Variants in TBC1D5 observed in about 807,000 individuals in gnomAD.
The protein encoded by TBC1D5 is TBC1 domain family, member 5.
TBC1D5 carries 75 observed loss-of-function variants against 100.3 expected under a neutral mutation model. The observed-to-expected ratio is 0.75, with a 90% CI of 0.62 to 0.91. The LOEUF (loss-of-function observed/expected upper bound fraction) is 0.91, where lower values mean the gene tolerates loss of function less well. Ranked by LOEUF, TBC1D5 falls within the 40% of genes least tolerant of loss-of-function variation. TBC1D5 has a pLI of 0.00. For missense variants in TBC1D5, 910 were observed against 942.4 expected (o/e 0.97, Z 0.45); for synonymous variants, 323 against 325.6 (o/e 0.99, Z 0.09).
chr3:17,485,986 C>T (rs1031154711), intron 3 of TBC1D5, among the ~76,000 whole-genome samples: 1 of 152,046 alleles, frequency 6.6e-6, no homozygotes, highest in Admixed American at 6.5e-5. Context: ...TATTTCTCCA[C>T]ATCCTCTCCA....
At chr3:17,474,763 G>A (rs889431263) in intron 3 of TBC1D5, among the ~76,000 whole-genome samples, 1 of 152,070 alleles carries the variant, frequency 6.6e-6, no homozygotes, top group Non-Finnish European at 1.5e-5. Flanking sequence ...AAATTAAACT[G>A]AATGTCAATG....
intron 3 of TBC1D5, among the ~76,000 whole-genome samples, chr3:17,435,093 G>A (rs186027453): frequency 1.8e-4 from 27 of 152,212 alleles, no homozygotes; most frequent in Admixed American, 3.9e-4. Context: ...TCAGCATTTT[G>A]GTCAAAGCCA....
intron 2 of TBC1D5, among the ~76,000 whole-genome samples, chr3:17,556,968 C>T (rs1486998968): frequency 3.3e-5 from 5 of 152,146 alleles, no homozygotes; most frequent in Admixed American, 6.5e-5. Context: ...GAAAAGCCAA[C>T]GCAAATTTAC....
At position 17,267,277 on chromosome 3, in the gene TBC1D5, A is replaced by G. The variant is rs550904713; in HGVS notation, c.1246-8686T>C. Among the ~76,000 whole-genome samples, 12 of 152,206 alleles carry G rather than the reference A, an allele frequency of 7.9e-5. No individual in the cohort carries two copies. The South Asian group carries it at 2.5e-3, about 32-fold the overall frequency. Reference sequence around the variant, plus strand: ...ATGGAAAGTAGGAGTTTAGGTCTACAAATTTTCTTTGTTGCTAATACTGGG... The same window carrying G: ...ATGGAAAGTAGGAGTTTAGGTCTACGAATTTTCTTTGTTGCTAATACTGGG... On this transcript the variant is annotated intron_variant, in intron 15 of 21. Coordinates refer to ENST00000253692, the Ensembl canonical transcript of TBC1D5.
intron 4 of TBC1D5, among the ~76,000 whole-genome samples, chr3:17,412,127 G>T (rs1045699163): frequency 9.9e-5 from 15 of 152,134 alleles, no homozygotes; most frequent in Admixed American, 6.6e-5. Flanking sequence ...ATAATAAAAT[G>T]ATTACTGCAA....
At position 17,569,759 on chromosome 3, in the gene TBC1D5, C is replaced by T. The variant is rs550720770; in HGVS notation, c.-36+54090G>A. ...AGAGAAAGTACTACTGATTATTAGG[C>T]AATATATATTTATATATTTGTAAAT... is the stretch of plus-strand genomic sequence containing the variant. On this transcript the variant is annotated intron_variant, in intron 2 of 21. Transcript: ENST00000253692. 3.0e-3 allele frequency among the ~76,000 whole-genome samples: 449 copies of T among 150,642 alleles called. 4 individuals carry two copies. The highest frequency in any genetic ancestry group is 9.9e-3 in the African/African-American group (410 of 41,232).
At chr3:17,190,803 A>G (rs1559379689) in intron 18 of TBC1D5, among the ~76,000 whole-genome samples, 1 of 152,186 alleles carries the variant, frequency 6.6e-6, no homozygotes, top group South Asian at 2.1e-4. Flanking sequence ...TCACAAGAGA[A>G]GCAGACAAGG....
intron 13 of TBC1D5, among the ~76,000 whole-genome samples, chr3:17,315,857 G>C (rs1015211287): frequency 2.0e-5 from 3 of 152,152 alleles, no homozygotes; most frequent in Non-Finnish European, 4.4e-5. Flanking sequence ...GGGACGGGCG[G>C]GGGGAGGCTT....
At chr3:17,221,256 C>CGGT (rs2074253097) in intron 17 of TBC1D5, among the ~76,000 whole-genome samples, 1 of 151,752 alleles carries the variant, frequency 6.6e-6, no homozygotes, top group South Asian at 2.1e-4. Flanking sequence ...CATGGTTGGC[C>CGGT]AACCTAATCC....
exon 22 of TBC1D5, chr3:17,158,132 GC>G (rs1445831344): frequency 1.3e-5 from 2 of 152,218 alleles, no homozygotes; most frequent in African/African-American, 2.4e-5. Flanking sequence ...AATTAGACTT[GC>G]TAGTCTGTAA....
chr3:17,378,991 G>A (rs961535642), intron 9 of TBC1D5, among the ~76,000 whole-genome samples: 8 of 151,226 alleles, frequency 5.3e-5, no homozygotes, highest in Non-Finnish European at 8.9e-5. Context: ...TTTTTTCCAG[G>A]CTTTCACTGT....
At chr3:17,540,286 T>A (rs2096337039) in intron 2 of TBC1D5, among the ~76,000 whole-genome samples, 1 of 152,234 alleles carries the variant, frequency 6.6e-6, no homozygotes, top group Admixed American at 6.5e-5. Flanking sequence ...GTGGTTGTCT[T>A]TTCACCCTAT....
At chr3:17,599,207 A>G (rs1414770702) in intron 2 of TBC1D5, among the ~76,000 whole-genome samples, 1 of 152,130 alleles carries the variant, frequency 6.6e-6, no homozygotes, top group Non-Finnish European at 1.5e-5. Context: ...CCTGGAAACC[A>G]CAGCCCCAAA....
At chr3:17,642,345 G>A (rs1019409605) in intron 1 of TBC1D5, among the ~76,000 whole-genome samples, 1 of 151,992 alleles carries the variant, frequency 6.6e-6, no homozygotes, top group Non-Finnish European at 1.5e-5. Flanking sequence ...ATCATGTTTA[G>A]TTGATGTGAT....
chr3:17,206,024 C>T (rs757597090), intron 18 of TBC1D5, among the ~76,000 whole-genome samples: 2 of 152,136 alleles, frequency 1.3e-5, no homozygotes, highest in Non-Finnish European at 2.9e-5. Context: ...ATTCTAACTA[C>T]TTTAGATGTG....
At chr3:17,528,368 A>T (rs1560091085) in intron 2 of TBC1D5, among the ~76,000 whole-genome samples, 1 of 152,110 alleles carries the variant, frequency 6.6e-6, no homozygotes, top group Non-Finnish European at 1.5e-5. Context: ...CCCTTTCACC[A>T]TGTGAGGATA....
At chr3:17,338,653 A>AAAG (rs1454342014) in intron 13 of TBC1D5, 1 of 152,264 alleles carries the variant, frequency 6.6e-6, no homozygotes, top group African/African-American at 2.4e-5. Context: ...CTGTGATATT[A>AAAG]AAGTGGTAAT....
At chr3:17,163,669 G>A (rs555359818) in intron 21 of TBC1D5, among the ~76,000 whole-genome samples, 13 of 152,254 alleles carry the variant, frequency 8.5e-5, no homozygotes, top group Middle Eastern at 6.8e-3. Context: ...GTAGAAGCAG[G>A]TGAGCCCAAC....
At chr3:17,521,785 A>G (rs1003529389) in intron 2 of TBC1D5, among the ~76,000 whole-genome samples, 2 of 152,218 alleles carry the variant, frequency 1.3e-5, no homozygotes, top group African/African-American at 4.8e-5. Context: ...TAATAATTAT[A>G]CATGATACAG....
Sources: allele counts gnomAD v4.1 joint callset (sites outside exome capture counted in the v4.1 genomes callset), GRCh38; gene constraint gnomAD v4.1.1; transcripts MANE v1.5; gene names NCBI Gene and HGNC (gene_info 2026-07-23, HGNC 2026-07-21).